The following TAS1R1 variants were observed in gnomAD, a reference collection of about 807,000 sequenced individuals.
TAS1R1 encodes the protein taste 1 receptor member 1.
Under a neutral mutation model 45.8 loss-of-function variants are expected in TAS1R1, and 31 were observed. That is an observed-to-expected ratio of 0.68 (90% confidence interval 0.51 to 0.91). The LOEUF (loss-of-function observed/expected upper bound fraction) is 0.91, where lower values mean the gene tolerates loss of function less well. Among genes scored for constraint, TAS1R1 ranks in the 40% least tolerant of loss-of-function variants. The pLI is 0.00. For synonymous variants in TAS1R1, 437 were observed against 448.4 expected, an observed-to-expected ratio of 0.97 and a Z score of 0.32; for missense variants, 1,051 against 1,063.9, an observed-to-expected ratio of 0.99 and a Z score of 0.17.
intron 5 of TAS1R1, among the ~76,000 whole-genome samples, chr1:6,577,728 T>G (rs1640220847): frequency 6.6e-6 from 1 of 152,020 alleles, no homozygotes; most frequent in African/African-American, 2.4e-5. Flanking sequence ...CTCGGGAGGC[T>G]GAGGCAGGAG....
At chr1:6,568,257 G>A (rs1271100453) in intron 1 of TAS1R1, among the ~76,000 whole-genome samples, 1 of 151,960 alleles carries the variant, frequency 6.6e-6, no homozygotes, top group East Asian at 1.9e-4. Context: ...AGACCATCCT[G>A]GCTAACATGG....
chr1:6,555,675 C>A (rs899494043), intron 1 of TAS1R1, 111 bp downstream of exon 1: 5 of 1,024,530 alleles, frequency 4.9e-6, no homozygotes, highest in South Asian at 1.7e-5. Flanking sequence ...CTTGAACTGT[C>A]CCCAGGCCTT....
chr1:6,561,152 C>T (rs1253599767), intron 1 of TAS1R1, among the ~76,000 whole-genome samples: 6 of 152,018 alleles, frequency 3.9e-5, no homozygotes, highest in African/African-American at 1.2e-4. Flanking sequence ...GGGCCAAATG[C>T]TAAAAGGAGA....
At chr1:6,567,898 G>A (rs1473054047) in intron 1 of TAS1R1, among the ~76,000 whole-genome samples, 3 of 152,138 alleles carry the variant, frequency 2.0e-5, no homozygotes, top group Non-Finnish European at 4.4e-5. Flanking sequence ...ACTTAAAGCA[G>A]GGCCCGGGAG....
At chr1:6,575,532 G>GT (rs1316035482) in intron 3 of TAS1R1, 140 bp downstream of exon 3, 12 of 1,069,770 alleles carry the variant, frequency 1.1e-5, no homozygotes, top group South Asian at 1.1e-4. Context: ...GTTTTGTTTT[G>GT]TTTTTTGAGA....
Position 6,564,634 on chromosome 1 carries a change from C to T in TAS1R1, c.192-6275C>T, listed in dbSNP as rs545371022. 7.9e-5 allele frequency among the ~76,000 whole-genome samples: 12 copies of T among 152,206 alleles called. No individual in the cohort carries two copies. In the South Asian group the frequency reaches 1.5e-3, roughly 18 times the overall value. ...TATGGGATATGGAGGCGCCACTGGA[C>T]GCTGAGGGACTGATAAACCTGTTGG... On this transcript the variant is annotated intron_variant, in intron 1 of 5. Coordinates refer to ENST00000333172, the MANE Select transcript of TAS1R1 (RefSeq NM_138697.4).
chr1:6,567,517 G>A (rs373878957), intron 1 of TAS1R1, among the ~76,000 whole-genome samples: 49 of 150,146 alleles, frequency 3.3e-4, no homozygotes, highest in African/African-American at 5.4e-4. Context: ...CCGAGATTGC[G>A]CCACTGCACT....
In TAS1R1 at chr1:6,579,047, C is replaced by T; in HGVS notation, c.1989C>T (p.Ser663=). ...AACTAATCATCATCTTCAAGTTTTC[C>T]ACCAAGGTACCTACATTCTACCACG... ...SFQLIIIFKF[S]TKVPTFYHAW... is the part of the protein sequence containing the mutation. Residue 663 remains serine (S), a synonymous_variant, in exon 6 of 6, where the codon TCC becomes TCT. Coordinates refer to ENST00000333172, the MANE Select transcript of TAS1R1 (RefSeq NM_138697.4). 6.2e-7 allele frequency: 1 copy of T among 1,612,898 alleles called. No individual in the cohort carries two copies. Among genetic ancestry groups the T allele is most frequent in the Non-Finnish European group, 8.5e-7 (1 of 1,179,006 alleles).
At chr1:6,573,272 C>G (rs151337776) in intron 2 of TAS1R1, among the ~76,000 whole-genome samples, 1 of 152,162 alleles carries the variant, frequency 6.6e-6, no homozygotes, top group Non-Finnish European at 1.5e-5. Flanking sequence ...GCCTGGCCAA[C>G]GTGGTGAAAC....
chr1:6,577,107 T>C, intron 5 of TAS1R1, 37 bp downstream of exon 5: 1 of 1,613,314 alleles, frequency 6.2e-7, no homozygotes, highest in Non-Finnish European at 8.5e-7. Context: ...TACCCAGCAC[T>C]CCCGGGGGCT....
Position 6,578,714 on chromosome 1 carries a change from C to T in TAS1R1, c.1656C>T (p.Cys552=). The T allele has an allele frequency of 1.2e-6, 2 of 1,610,352 alleles. No individual in the cohort carries two copies. The highest frequency in any genetic ancestry group is 1.1e-5 in the South Asian group (1 of 90,648). The change falls in exon 6 of 6, where the codon TGC becomes TGT. Residue 552 remains cysteine, a synonymous_variant. Coordinates refer to ENST00000333172, the MANE Select transcript of TAS1R1 (RefSeq NM_138697.4). ...EEWAPEGSQT[C]FPRTVVFLAL... Reference sequence around the variant, plus strand: ...GGGCACCTGAGGGAAGCCAGACCTGCTTCCCGCGCACTGTGGTGTTTTTGG... The same window carrying T: ...GGGCACCTGAGGGAAGCCAGACCTGTTTCCCGCGCACTGTGGTGTTTTTGG...
At chr1:6,560,639 T>C (rs776351730) in intron 1 of TAS1R1, among the ~76,000 whole-genome samples, 3 of 152,170 alleles carry the variant, frequency 2.0e-5, no homozygotes, top group African/African-American at 4.8e-5. Flanking sequence ...CATCCTTTAA[T>C]AGGTAATAGA....
intron 3 of TAS1R1, 117 bp downstream of exon 3, chr1:6,575,509 G>A: frequency 3.2e-6 from 4 of 1,235,144 alleles, no homozygotes; most frequent in Non-Finnish European, 4.3e-6. Flanking sequence ...ACTAACTTGA[G>A]GTTTTTTGTT....
chr1:6,575,357 G>A lies in TAS1R1; in HGVS notation c.1225G>A (p.Gly409Arg). 1 of 1,592,670 alleles carries A rather than the reference G, an allele frequency of 6.3e-7. No individual in the cohort carries two copies. The highest frequency in any genetic ancestry group is 1.1e-5 in the South Asian group (1 of 88,216). ...GLHQLLGCAS[G>R]ACSRGRVYPW... ...CCACCAGCTCCTGGGCTGTGCCTCTGGAGCTTGTTCCAGGGGCCGAGTCTA... is the reference window on the plus strand; with the variant it reads ...CCACCAGCTCCTGGGCTGTGCCTCTAGAGCTTGTTCCAGGGGCCGAGTCTA... The change falls in exon 3 of 6, where the codon GGA becomes AGA. Residue 409 changes from glycine (G) to arginine (R), a missense_variant. Transcript: ENST00000333172.
At chr1:6,562,195 G>A (rs779776779) in intron 1 of TAS1R1, among the ~76,000 whole-genome samples, 1 of 152,192 alleles carries the variant, frequency 6.6e-6, no homozygotes, top group Non-Finnish European at 1.5e-5. Flanking sequence ...TTGAGACGGA[G>A]TCTCACTCTG....
chr1:6,568,048 G>A (rs1344976188), intron 1 of TAS1R1, among the ~76,000 whole-genome samples: 1 of 152,068 alleles, frequency 6.6e-6, no homozygotes, highest in Non-Finnish European at 1.5e-5. Context: ...TGAAGACTTT[G>A]AAAGCCAGGT....
Position 6,574,118 on chromosome 1 carries a change from C to G in TAS1R1, c.499-513C>G, listed in dbSNP as rs1190659203. Among the ~76,000 whole-genome samples, 1 of 152,174 alleles carries G rather than the reference C, an allele frequency of 6.6e-6. No individual in the cohort carries two copies. Among genetic ancestry groups the G allele is most frequent in the African/African-American group, 2.4e-5 (1 of 41,426 alleles). ...ACATTAGATTCTCATAAGTAGCGTG[C>G]AACCCAGATCCCTCGCATGTGCAGT... On this transcript the variant is annotated intron_variant, in intron 2 of 5. Transcript: ENST00000333172. The surrounding 1 kb of genome is among the most constrained non-coding windows in gnomAD (Gnocchi z 4.3).
Position 6,574,722 on chromosome 1 carries a change from A to G in TAS1R1, c.590A>G (p.Glu197Gly), listed in dbSNP as rs1484021395. The change falls in exon 3 of 6, where the codon GAG (glutamate) becomes GGG (glycine). Residue 197 changes from glutamate (E) to glycine (G), a missense_variant. By Grantham distance (98) the Glu-to-Gly change is moderately conservative. Coordinates refer to ENST00000333172, the MANE Select transcript of TAS1R1 (RefSeq NM_138697.4). This position sits in a 1 kb window ranked among gnomAD's most constrained non-coding sequence, Gnocchi z 4.3. ...RTIPNDKYQV[E>G]TMVLLLQKFG... ...ATCCCCAATGACAAGTACCAGGTGG[A>G]GACCATGGTGCTGCTGCTGCAGAAG... The G allele has an allele frequency of 6.2e-7, 1 of 1,614,152 alleles. No individual in the cohort carries two copies. Among genetic ancestry groups the G allele is most frequent in the African/African-American group, 1.3e-5 (1 of 74,958 alleles).
intron 1 of TAS1R1, among the ~76,000 whole-genome samples, chr1:6,557,752 T>G (rs1639710809): frequency 6.6e-6 from 1 of 152,192 alleles, no homozygotes; most frequent in South Asian, 2.1e-4. Flanking sequence ...AAAGTTTTTT[T>G]GAGCTGGGAT....
Sources: allele counts gnomAD v4.1 joint callset (sites outside exome capture counted in the v4.1 genomes callset), GRCh38; gene constraint gnomAD v4.1.1; non-coding constraint Gnocchi (gnomAD v3.1); transcripts MANE v1.5; gene names NCBI Gene and HGNC (gene_info 2026-07-23, HGNC 2026-07-21).